The following DGKB variants were observed in gnomAD, a reference collection of about 807,000 sequenced individuals.
DGKB encodes 90 kDa diacylglycerol kinase.
Under a neutral mutation model 114.3 loss-of-function variants are expected in DGKB, and 67 were observed. The observed-to-expected ratio is 0.59, with a 90% CI of 0.48 to 0.72. The LOEUF is 0.72. DGKB is among the 30% of genes least tolerant of loss of function. DGKB has a pLI of 0.00. For missense variants in DGKB, 907 were observed against 975.2 expected, an observed-to-expected ratio of 0.93 and a Z score of 0.93; for synonymous variants, 398 against 323.1, an observed-to-expected ratio of 1.23 and a Z score of -2.49.
intron 1 of DGKB, among the ~76,000 whole-genome samples, chr7:14,876,443 T>C (rs1236225123): frequency 6.6e-6 from 1 of 152,220 alleles, no homozygotes; most frequent in Non-Finnish European, 1.5e-5. Context: ...GGCTTGCCTT[T>C]GAATTCTTTC....
At chr7:14,176,967 A>G in intron 24 of DGKB, 68 bp from the exon 25 acceptor site, 2 of 1,590,696 alleles carry the variant, frequency 1.3e-6, no homozygotes, top group Non-Finnish European at 1.7e-6. Flanking sequence ...TATGTGAGAT[A>G]TAAGATGATG....
At chr7:14,973,624 G>A (rs1202712857) in intron 1 of DGKB, among the ~76,000 whole-genome samples, 1 of 147,658 alleles carries the variant, frequency 6.8e-6, no homozygotes, top group Non-Finnish European at 1.5e-5. Flanking sequence ...TTTTCTTTGG[G>A]TGTCTCTAGC....
intron 2 of DGKB, among the ~76,000 whole-genome samples, chr7:14,761,026 T>A (rs1206021658): frequency 6.6e-6 from 1 of 152,206 alleles, no homozygotes; most frequent in African/African-American, 2.4e-5. Flanking sequence ...TAAAGTGCTC[T>A]AGTTGATATT....
chr7:14,860,339 A>G lies in DGKB; in HGVS notation c.-187-18889T>C, dbSNP rs1850791823. Among the ~76,000 whole-genome samples the G allele has an allele frequency of 1.3e-5, 2 of 152,062 alleles. 1 individual carries two copies. The highest frequency in any genetic ancestry group is 4.1e-4 in the South Asian group (2 of 4,830). The stretch of plus-strand genomic sequence containing the variant: ...TTTCTAATTCATCACCTGCCTTGTA[A>G]CATAAGTGTTTCTTAGATCAAATTT... On this transcript the variant is annotated intron_variant, in intron 1 of 25. Transcript: ENST00000402815.
Position 14,475,265 on chromosome 7 carries a change from A to G in DGKB, c.1835+2896T>C, listed in dbSNP as rs576477631. On this transcript the variant is annotated intron_variant, in intron 21 of 25. Transcript: ENST00000402815. The stretch of plus-strand genomic sequence containing the variant: ...CCATTTGCAAATTCCTGAAAATATG[A>G]AAGTGTGCTATGGCTGAGCCTGTCG... Among the ~76,000 whole-genome samples the G allele has an allele frequency of 1.2e-4, 18 of 152,280 alleles. No homozygotes were observed. The South Asian group carries it at 3.5e-3, about 30-fold the overall frequency.
intron 1 of DGKB, among the ~76,000 whole-genome samples, chr7:14,875,380 A>G (rs1853119342): frequency 6.6e-6 from 1 of 152,124 alleles, no homozygotes; most frequent in Non-Finnish European, 1.5e-5. Flanking sequence ...GAGTACTTTA[A>G]TCATTCACTT....
At chr7:14,859,044 C>T (rs1404163633) in intron 1 of DGKB, among the ~76,000 whole-genome samples, 1 of 151,860 alleles carries the variant, frequency 6.6e-6, no homozygotes, top group East Asian at 1.9e-4. Context: ...AGTAGAGAAA[C>T]CAAGAAAGAG....
chr7:14,750,600 C>T (rs973700769), intron 4 of DGKB, among the ~76,000 whole-genome samples: 1 of 151,990 alleles, frequency 6.6e-6, no homozygotes, highest in Non-Finnish European at 1.5e-5. Context: ...CAAGTCCATG[C>T]CCCACATTGC....
intron 13 of DGKB, among the ~76,000 whole-genome samples, chr7:14,650,067 G>T (rs142129557): frequency 0.014 from 2,072 of 151,936 alleles, 42 homozygotes; most frequent in African/African-American, 0.047. Flanking sequence ...ACACCCCACT[G>T]TCAACATTGG....
At chr7:14,929,651 T>G (rs1784905939) in intron 1 of DGKB, among the ~76,000 whole-genome samples, 1 of 152,114 alleles carries the variant, frequency 6.6e-6, no homozygotes, top group African/African-American at 2.4e-5. Context: ...TTAGCACATA[T>G]TTTCCTCCAT....
chr7:14,323,762 A>G (rs762416522), intron 23 of DGKB, among the ~76,000 whole-genome samples: 5 of 152,222 alleles, frequency 3.3e-5, no homozygotes, highest in Non-Finnish European at 7.3e-5. Context: ...AGATTGGCTG[A>G]CACATATTAA....
At chr7:14,530,603 A>C (rs1387631467) in intron 20 of DGKB, among the ~76,000 whole-genome samples, 1 of 151,514 alleles carries the variant, frequency 6.6e-6, no homozygotes, top group Non-Finnish European at 1.5e-5. Flanking sequence ...CGATATTGGG[A>C]TTTCCATGAA....
chr7:14,624,740 G>A (rs185429830), intron 14 of DGKB, among the ~76,000 whole-genome samples: 1 of 152,276 alleles, frequency 6.6e-6, no homozygotes, highest in Non-Finnish European at 1.5e-5. Context: ...GCTCACACCT[G>A]TAATCCCAGC....
At chr7:14,466,732 C>T (rs569813930) in intron 21 of DGKB, among the ~76,000 whole-genome samples, 15 of 151,980 alleles carry the variant, frequency 9.9e-5, no homozygotes, top group South Asian at 8.3e-4. Flanking sequence ...GCAATAGAAT[C>T]GCTTGAACCT....
chr7:14,363,404 T>C (rs1217439101), intron 21 of DGKB, among the ~76,000 whole-genome samples: 3 of 152,100 alleles, frequency 2.0e-5, no homozygotes, highest in African/African-American at 7.2e-5. Context: ...GAAATTGCTA[T>C]GGTAGCAAAT....
chr7:14,152,343 T>C (rs113057636), intron 25 of DGKB, among the ~76,000 whole-genome samples: 7 of 152,182 alleles, frequency 4.6e-5, no homozygotes, highest in African/African-American at 1.4e-4. Flanking sequence ...TGATTTTGGT[T>C]GTTTAGTTTC....
intron 21 of DGKB, among the ~76,000 whole-genome samples, chr7:14,418,761 G>T (rs1330307139): frequency 2.6e-5 from 4 of 151,642 alleles, no homozygotes; most frequent in African/African-American, 9.7e-5. Context: ...CCTTAAGCTT[G>T]TTGTCTTAGA....
At chr7:14,840,699 AACACACACACACACACACACACAC>A (rs57577998) in intron 2 of DGKB, among the ~76,000 whole-genome samples, 1 of 130,188 alleles carries the variant, frequency 7.7e-6, no homozygotes, top group Admixed American at 7.6e-5. Context: ...ACTCTCTTTT[AACACACACACACACACACACACAC>A]ACACACACAC....
intron 4 of DGKB, among the ~76,000 whole-genome samples, chr7:14,742,096 G>A (rs911776923): frequency 6.6e-6 from 1 of 152,092 alleles, no homozygotes; most frequent in South Asian, 2.1e-4. Flanking sequence ...AAGATATAAT[G>A]TATTCCATTT....
Sources: gnomAD v4.1 joint callset for allele counts (sites outside exome capture counted in the v4.1 genomes callset) on GRCh38, gnomAD v4.1.1 for gene constraint, MANE v1.5 for transcripts, NCBI Gene and HGNC (gene_info 2026-07-23, HGNC 2026-07-21) for gene names.